The following DECR1 variants were observed in gnomAD, a reference collection of about 807,000 sequenced individuals.
DECR1 encodes 2,4-dienoyl-CoA reductase 1.
In DECR1, 44 loss-of-function variants were observed where a neutral mutation model predicts 38.8. That is an observed-to-expected ratio of 1.13 (90% confidence interval 0.89 to 1.46). The LOEUF is 1.46. DECR1 is among the 40% of genes most tolerant of loss of function. The pLI is 0.00. For synonymous variants in DECR1, 148 were observed against 135.2 expected (o/e 1.09, Z -0.66); for missense variants, 428 against 405.5 (o/e 1.06, Z -0.48).
chr8:90,009,715 C>T (rs1812836477), intron 1 of DECR1, among the ~76,000 whole-genome samples: 1 of 152,154 alleles, frequency 6.6e-6, no homozygotes, highest in Admixed American at 6.5e-5. Flanking sequence ...AAAAGATTGT[C>T]ATTATAGTTT....
chr8:90,009,138 C>G (rs932912453), intron 1 of DECR1, among the ~76,000 whole-genome samples: 5 of 152,284 alleles, frequency 3.3e-5, no homozygotes, highest in Middle Eastern at 3.4e-3. Context: ...TGGTCCAGTC[C>G]CCTTTACCTC....
chr8:90,010,726 G>A (rs377759759), intron 1 of DECR1, among the ~76,000 whole-genome samples: 4 of 152,128 alleles, frequency 2.6e-5, no homozygotes, highest in East Asian at 3.8e-4. Flanking sequence ...CAACAGATAC[G>A]TAGAAGCTCC....
At chr8:90,020,704 C>T (rs1010616921) in intron 4 of DECR1, among the ~76,000 whole-genome samples, 4 of 152,150 alleles carry the variant, frequency 2.6e-5, no homozygotes, top group Non-Finnish European at 5.9e-5. Flanking sequence ...AATTTAAAGA[C>T]GGCTTAGGAT....
intron 1 of DECR1, among the ~76,000 whole-genome samples, chr8:90,010,562 G>A (rs1812857846): frequency 6.6e-6 from 1 of 152,188 alleles, no homozygotes; most frequent in African/African-American, 2.4e-5. Context: ...ATGCAAAGAT[G>A]TACACTTTTG....
intron 1 of DECR1, among the ~76,000 whole-genome samples, chr8:90,012,137 T>C (rs912046125): frequency 1.3e-5 from 2 of 151,920 alleles, no homozygotes; most frequent in Non-Finnish European, 2.9e-5. Flanking sequence ...ATAGATTGAT[T>C]TAGATTTTCT....
At chr8:90,006,089 C>A in intron 1 of DECR1, 1 of 648,444 alleles carries the variant, frequency 1.5e-6, no homozygotes, top group Non-Finnish European at 2.8e-6. Context: ...AACCCAGGCA[C>A]CTCCCATTAG....
Position 90,044,830 on chromosome 8 carries a change from T to TAA in DECR1, c.739-19_739-18insAA. 6.3e-7 allele frequency: 1 copy of TAA among 1,599,310 alleles called. No individual in the cohort carries two copies. Among genetic ancestry groups the TAA allele is most frequent in the Non-Finnish European group, 8.5e-7 (1 of 1,174,312 alleles). Reference sequence around the variant, plus strand: ...ATTGAAAAACCCGACACAACCTAATTGTTTTCTTAATTTCTAAGGGTGCCT... The same window carrying TAA: ...ATTGAAAAACCCGACACAACCTAATTAAGTTTTCTTAATTTCTAAGGGTGCCT... On this transcript the variant is annotated intron_variant, in intron 7 of 9. Transcript: ENST00000220764.
intron 6 of DECR1, among the ~76,000 whole-genome samples, chr8:90,041,434 G>A (rs762824829): frequency 1.7e-4 from 26 of 152,140 alleles, no homozygotes; most frequent in Non-Finnish European, 3.1e-4. Context: ...TAGGTTGCCT[G>A]TGCACTCTGA....
chr8:90,024,660 T>G (rs1209988634), intron 5 of DECR1, among the ~76,000 whole-genome samples: 1 of 152,168 alleles, frequency 6.6e-6, no homozygotes, highest in Non-Finnish European at 1.5e-5. Context: ...TTTCTCCCAT[T>G]CTGTAGGTTG....
intron 1 of DECR1, among the ~76,000 whole-genome samples, chr8:90,013,221 A>G (rs1812928437): frequency 6.6e-6 from 1 of 151,968 alleles, no homozygotes; most frequent in South Asian, 2.1e-4. Flanking sequence ...TCAAAAGATA[A>G]CTCATTTAGC....
intron 1 of DECR1, among the ~76,000 whole-genome samples, chr8:90,002,486 A>T (rs1586129294): frequency 6.6e-6 from 1 of 151,958 alleles, no homozygotes; most frequent in African/African-American, 2.4e-5. Context: ...AAAGAGAAAC[A>T]AAAACAAAAA....
intron 1 of DECR1, among the ~76,000 whole-genome samples, chr8:90,006,564 G>C (rs529761546): frequency 6.6e-6 from 1 of 152,304 alleles, no homozygotes; most frequent in South Asian, 2.1e-4. Context: ...TCTGTTGAGA[G>C]GTGATGGTGG....
Position 90,035,796 on chromosome 8 carries a change from GT to G in DECR1, c.566-1037del, listed in dbSNP as rs900295599. Among the ~76,000 whole-genome samples the G allele has an allele frequency of 4.6e-5, 7 of 151,904 alleles. No homozygotes were observed. The East Asian group carries it at 1.2e-3, about 25-fold the overall frequency. On this transcript the variant is annotated intron_variant, in intron 5 of 9. Coordinates refer to ENST00000220764, the MANE Select transcript of DECR1 (RefSeq NM_001359.2). ...TTTTAATTTTCTTTTGAGGTGTGTG[GT>G]TTTTTTTATTTTGGAAAGCTTCTAA...
At chr8:90,013,399 G>GTTTTTTTTTTTTTTTTTT (rs57505716) in intron 1 of DECR1, among the ~76,000 whole-genome samples, 114 of 77,984 alleles carry the variant, frequency 1.5e-3, no homozygotes, top group African/African-American at 1.7e-3. Context: ...CTCTTCTTTC[G>GTTTTTTTTTTTTTTTTTT]TTTTTTTTTT....
At chr8:90,012,156 C>CTTTT (rs1170178816) in intron 1 of DECR1, among the ~76,000 whole-genome samples, 3 of 138,688 alleles carry the variant, frequency 2.2e-5, no homozygotes, top group African/African-American at 7.9e-5. Flanking sequence ...CTTTTCTTTT[C>CTTTT]TTTTTTTTTT....
In DECR1 at chr8:90,035,931, A is replaced by ATT. The variant is rs111363097; in HGVS notation, c.566-902_566-901dup. On this transcript the variant is annotated intron_variant, in intron 5 of 9. Transcript: ENST00000220764. ...GCTAATTTAACCCTCCTACTAAGGC[A>ATT]TTTTTTTTTCTGAGCTCTCTACTGA... 1.9e-4 allele frequency among the ~76,000 whole-genome samples: 29 copies of ATT among 150,540 alleles called. No individual in the cohort carries two copies. The East Asian group carries it at 4.5e-3, about 23-fold the overall frequency.
intron 1 of DECR1, among the ~76,000 whole-genome samples, chr8:90,003,993 G>C (rs1290373777): frequency 6.6e-6 from 1 of 152,008 alleles, no homozygotes; most frequent in Non-Finnish European, 1.5e-5. Flanking sequence ...ATCTCATGTA[G>C]TAAGGTTGTT....
At chr8:90,023,972 G>T (rs1813233364) in intron 5 of DECR1, among the ~76,000 whole-genome samples, 1 of 151,974 alleles carries the variant, frequency 6.6e-6, no homozygotes, top group African/African-American at 2.4e-5. Context: ...GTGGTGTTTG[G>T]TTTTCTGTCT....
chr8:90,024,545 G>A (rs1239005766), intron 5 of DECR1, among the ~76,000 whole-genome samples: 2 of 152,086 alleles, frequency 1.3e-5, no homozygotes, highest in African/African-American at 2.4e-5. Context: ...CAAATCCTTC[G>A]CCTACTTTTT....
Sources: allele counts gnomAD v4.1 joint callset (sites outside exome capture counted in the v4.1 genomes callset), GRCh38; gene constraint gnomAD v4.1.1; transcripts MANE v1.5; gene names NCBI Gene and HGNC (gene_info 2026-07-23, HGNC 2026-07-21).